RIT2: variants seen among roughly 807,000 people sequenced by gnomAD.
RIT2 encodes the protein Ras like without CAAX 2, also known as GTP-binding protein Rit2.
A neutral mutation model predicts 23.7 loss-of-function variants in RIT2; 24 were observed. The ratio of observed to expected loss-of-function variants is 1.01; its 90% CI spans 0.73 to 1.43. The LOEUF (loss-of-function observed/expected upper bound fraction) is 1.43, where lower values mean the gene tolerates loss of function less well. RIT2 is among the 40% of genes most tolerant of loss of function. RIT2 has a pLI of 0.00. For synonymous variants in RIT2, 107 were observed against 91.1 expected, an observed-to-expected ratio of 1.17 and a Z score of -0.99; for missense variants, 236 against 266.9, an observed-to-expected ratio of 0.88 and a Z score of 0.81.
intron 4 of RIT2, among the ~76,000 whole-genome samples, chr18:42,759,931 C>T (rs1369301805): frequency 6.6e-6 from 1 of 152,032 alleles, no homozygotes; most frequent in Non-Finnish European, 1.5e-5. Flanking sequence ...GCATGTGCCA[C>T]CACGCATAGC....
At chr18:42,984,273 T>A (rs1598738339) in intron 2 of RIT2, among the ~76,000 whole-genome samples, 1 of 152,080 alleles carries the variant, frequency 6.6e-6, no homozygotes, top group Non-Finnish European at 1.5e-5. Flanking sequence ...AGTGTGTGCA[T>A]CTCTTTCAAA....
intron 4 of RIT2, among the ~76,000 whole-genome samples, chr18:42,783,130 T>C (rs1475156028): frequency 3.3e-5 from 5 of 152,144 alleles, no homozygotes; most frequent in Non-Finnish European, 1.5e-5. Flanking sequence ...ACCAAACACG[T>C]TTGTCCAGAT....
At chr18:42,932,546 C>G (rs973540769) in intron 3 of RIT2, among the ~76,000 whole-genome samples, 13 of 152,248 alleles carry the variant, frequency 8.5e-5, no homozygotes, top group African/African-American at 2.9e-4. Flanking sequence ...CTAATGGGGT[C>G]ACTTCTCTCA....
chr18:42,817,519 A>G (rs1313045795), intron 4 of RIT2, among the ~76,000 whole-genome samples: 1 of 152,186 alleles, frequency 6.6e-6, no homozygotes, highest in Non-Finnish European at 1.5e-5. Context: ...GGAGTTTAAA[A>G]TAACAGATTA....
chr18:43,038,951 G>C (rs1161105947), intron 1 of RIT2, among the ~76,000 whole-genome samples: 1 of 151,910 alleles, frequency 6.6e-6, no homozygotes, highest in Admixed American at 6.6e-5. Context: ...GAGGATCATA[G>C]AAGTAATTGT....
intron 3 of RIT2, among the ~76,000 whole-genome samples, chr18:42,937,670 G>A (rs1332550553): frequency 1.3e-5 from 2 of 152,114 alleles, no homozygotes; most frequent in Non-Finnish European, 2.9e-5. Flanking sequence ...TCTCAGGGCT[G>A]GATCTCATTT....
At chr18:42,882,985 G>T (rs75351356) in intron 4 of RIT2, among the ~76,000 whole-genome samples, 1 of 152,002 alleles carries the variant, frequency 6.6e-6, no homozygotes, top group African/African-American at 2.4e-5. Flanking sequence ...TATATTATAT[G>T]TTTATATTAA....
chr18:42,933,379 T>C (rs1316028901), intron 3 of RIT2, among the ~76,000 whole-genome samples: 1 of 152,212 alleles, frequency 6.6e-6, no homozygotes, highest in Non-Finnish European at 1.5e-5. Flanking sequence ...TATCTTTCTC[T>C]CTTTTCAAAA....
intron 2 of RIT2, among the ~76,000 whole-genome samples, chr18:43,023,320 A>G (rs1025956405): frequency 2.0e-5 from 3 of 151,986 alleles, no homozygotes; most frequent in Non-Finnish European, 4.4e-5. Flanking sequence ...GTAATATCTC[A>G]TTGTAAGTTA....
chr18:42,773,619 C>T (rs1913601196), intron 4 of RIT2, among the ~76,000 whole-genome samples: 1 of 152,178 alleles, frequency 6.6e-6, no homozygotes, highest in African/African-American at 2.4e-5. Flanking sequence ...TCTCTATCCT[C>T]AATTTTTGAG....
chr18:42,968,685 T>C (rs1043090800), intron 3 of RIT2, among the ~76,000 whole-genome samples: 2 of 152,208 alleles, frequency 1.3e-5, no homozygotes, highest in Non-Finnish European at 2.9e-5. Context: ...CTTTTCCTCA[T>C]ATATTTCTGA....
chr18:42,877,878 G>T (rs79493067), intron 4 of RIT2, among the ~76,000 whole-genome samples: 1 of 151,630 alleles, frequency 6.6e-6, no homozygotes, highest in African/African-American at 2.4e-5. Flanking sequence ...TTTTGGAAAT[G>T]TATATTCAGG....
At chr18:42,848,571 AATT>A (rs896645600) in intron 4 of RIT2, among the ~76,000 whole-genome samples, 1 of 152,164 alleles carries the variant, frequency 6.6e-6, no homozygotes, top group South Asian at 2.1e-4. Context: ...ATGAAGTAGG[AATT>A]ATTATTATCA....
chr18:43,077,403 C>T (rs1913051411), intron 1 of RIT2, among the ~76,000 whole-genome samples: 1 of 151,824 alleles, frequency 6.6e-6, no homozygotes, highest in South Asian at 2.1e-4. Flanking sequence ...GATGACATGG[C>T]CAAAATACTC....
rs547124418 is a variant in RIT2 at position 42,810,146 on chromosome 18, C to T, written c.427-66426G>A. 9.4e-5 allele frequency among the ~76,000 whole-genome samples: 14 copies of T among 148,752 alleles called. No individual in the cohort carries two copies. The South Asian group carries it at 2.8e-3, about 29-fold the overall frequency. On this transcript the variant is annotated intron_variant, in intron 4 of 4. Transcript: ENST00000326695. ...TCAATTAAAAAAAATCCCAAAATCC[C>T]GAGAATAACTGTCTAAAGAAAGAGA...
chr18:43,112,314 A>G (rs983551888), intron 1 of RIT2, among the ~76,000 whole-genome samples: 9 of 152,186 alleles, frequency 5.9e-5, no homozygotes, highest in Non-Finnish European at 1.2e-4. Flanking sequence ...TCTGTGAAAT[A>G]GAAATACCGA....
intron 1 of RIT2, among the ~76,000 whole-genome samples, chr18:43,045,805 A>G (rs1280995127): frequency 6.6e-6 from 1 of 152,102 alleles, no homozygotes; most frequent in Non-Finnish European, 1.5e-5. Flanking sequence ...TTTTCTTAAG[A>G]CATCATTAGC....
chr18:43,092,232 G>A (rs1598780406), intron 1 of RIT2, among the ~76,000 whole-genome samples: 1 of 152,066 alleles, frequency 6.6e-6, no homozygotes, highest in African/African-American at 2.4e-5. Flanking sequence ...CAAGGACTCT[G>A]TAGAGCTCTG....
At chr18:42,865,775 C>A (rs1033981771) in intron 4 of RIT2, among the ~76,000 whole-genome samples, 5 of 152,084 alleles carry the variant, frequency 3.3e-5, no homozygotes, top group Non-Finnish European at 5.9e-5. Flanking sequence ...TAACTCTGAG[C>A]CTCCCCCGCC....
Sources: gnomAD v4.1 joint callset for allele counts (sites outside exome capture counted in the v4.1 genomes callset) on GRCh38, gnomAD v4.1.1 for gene constraint, MANE v1.5 for transcripts, NCBI Gene and HGNC (gene_info 2026-07-23, HGNC 2026-07-21) for gene names.